Variants in ERCC5 observed in about 807,000 individuals in gnomAD.
ERCC5 encodes DNA excision repair protein ERCC-5.
In ERCC5, 68 loss-of-function variants were observed where a neutral mutation model predicts 105.6. That is an observed-to-expected ratio of 0.64 (90% confidence interval 0.53 to 0.79). ERCC5 has a LOEUF of 0.79. ERCC5 is among the 30% of genes least tolerant of loss of function. ERCC5 has a pLI of 0.00. For synonymous variants in ERCC5, 546 were observed against 526.2 expected (o/e 1.04, Z -0.51); for missense variants, 1,373 against 1,426.7 (o/e 0.96, Z 0.61).
At position 102,862,069 on chromosome 13, in the gene ERCC5, C is replaced by G. The variant is rs1566468361; in HGVS notation, c.920C>G (p.Ser307Cys). 1.9e-6 allele frequency: 3 copies of G among 1,614,200 alleles called. No homozygotes were observed. The highest frequency in any genetic ancestry group is 1.3e-5 in the African/African-American group (1 of 75,046). ...AKTVAEVDSE[S>C]LPSSSKMHGM... ...ACAGTTGCAGAAGTGGATTCAGAGT[C>G]TCTTCCTTCTTCCAGCAAAATGCAC... Residue 307 changes from serine to cysteine, a missense_variant, in exon 8 of 15, where the codon TCT becomes TGT. By Grantham distance (112) the Ser-to-Cys change is moderately radical. This residue lies in a region of ERCC5 where 1,004 missense variants were observed against 1,059.7 expected (regional missense o/e 0.95). Transcript: ENST00000652225.
intron 12 of ERCC5, among the ~76,000 whole-genome samples, chr13:102,868,488 A>C (rs1294608570): frequency 6.6e-6 from 1 of 152,206 alleles, no homozygotes; most frequent in Non-Finnish European, 1.5e-5. Context: ...AGTCCTGTGG[A>C]TTTCACAGGA....
chr13:102,873,117 T>G, intron 13 of ERCC5, 142 bp from the exon 14 acceptor site: 1 of 893,160 alleles, frequency 1.1e-6, no homozygotes, highest in Non-Finnish European at 1.7e-6. Context: ...TGTTAGTACT[T>G]TCTTTTAGCA....
chr13:102,855,958 G>A, intron 4 of ERCC5, 94 bp from the exon 5 acceptor site: 1 of 1,256,910 alleles, frequency 8.0e-7, no homozygotes, highest in Admixed American at 1.7e-5. Context: ...ATTCACCACT[G>A]TAGCCCGTAT....
At chr13:102,854,449 T>G (rs1386862136) in intron 4 of ERCC5, 75 bp downstream of exon 4, 1 of 1,404,930 alleles carries the variant, frequency 7.1e-7, no homozygotes, top group African/African-American at 1.4e-5. Context: ...TGATGTGTTA[T>G]CTACATGATA....
intron 4 of ERCC5, among the ~76,000 whole-genome samples, chr13:102,855,545 G>A (rs905473114): frequency 2.6e-5 from 4 of 152,124 alleles, no homozygotes; most frequent in Admixed American, 1.3e-4. Flanking sequence ...GCCACCACAC[G>A]CAGCTTAGCT....
In ERCC5 at chr13:102,862,572, C is replaced by A. The variant is rs1270873565; in HGVS notation, c.1423C>A (p.Gln475Lys). 1 of 1,613,980 alleles carries A rather than the reference C, an allele frequency of 6.2e-7. No homozygotes were observed. The highest frequency in any genetic ancestry group is 8.5e-7 in the Non-Finnish European group (1 of 1,180,020). ...GCCCACAGACTCAGTTCCAAAAGAACAAATGTCACTTGTTCACGTGGGGAC... is the reference window on the plus strand; with the variant it reads ...GCCCACAGACTCAGTTCCAAAAGAAAAAATGTCACTTGTTCACGTGGGGAC... Reference protein sequence around the residue: ...REPTDSVPKEQMSLVHVGTEA... With the variant: ...REPTDSVPKEKMSLVHVGTEA... Residue 475 changes from glutamine to lysine, a missense_variant, in exon 8 of 15, where the codon CAA (glutamine) becomes AAA (lysine). Physicochemically the swap from Gln to Lys is moderately conservative, Grantham distance 53. Around this residue, in one of 3 missense-constraint regions of ERCC5, gnomAD observed 1,004 missense variants for 1,059.7 expected, o/e 0.95. Coordinates refer to ENST00000652225, the MANE Select transcript of ERCC5 (RefSeq NM_000123.4).
chr13:102,855,947 T>C, intron 4 of ERCC5, 105 bp from the exon 5 acceptor site: 1 of 1,137,878 alleles, frequency 8.8e-7, no homozygotes, highest in Non-Finnish European at 1.3e-6. Context: ...CTTGCTGTTT[T>C]ATTCACCACT....
At position 102,862,226 on chromosome 13, in the gene ERCC5, G is replaced by A. The variant is rs377130941; in HGVS notation, c.1077G>A (p.Glu359=). 8.9e-5 allele frequency: 143 copies of A among 1,614,044 alleles called. No individual in the cohort carries two copies. The highest frequency in any genetic ancestry group is 1.2e-4 in the Non-Finnish European group (136 of 1,180,046). Residue 359 remains glutamate (E), a synonymous_variant, in exon 8 of 15, where the codon GAG becomes GAA. Transcript: ENST00000652225. ...CCCTGCTGGGAAGTAGCTCAGAAGA[G>A]GAGCTGGAGAGTGAAAATCGAAGGC... The part of the protein sequence containing the change: ...QAALLGSSSE[E]ELESENRRQA...
At chr13:102,847,219 T>C (rs528554626) in intron 1 of ERCC5, among the ~76,000 whole-genome samples, 107 of 152,344 alleles carry the variant, frequency 7.0e-4, no homozygotes, top group African/African-American at 1.9e-3. Context: ...TTGTTTGTCA[T>C]TGGAATTAAA....
At position 102,863,225 on chromosome 13, in the gene ERCC5, A is replaced by C. The variant is rs549391868; in HGVS notation, c.1954+122A>C. On this transcript the variant is annotated intron_variant, in intron 8 of 14. Transcript: ENST00000652225. ...CAGATAAGGAACGAGAGACGTAGAA[A>C]GAAAGATGAAATGACTTTCCCAGGG... 6.7e-5 allele frequency: 77 copies of C among 1,153,066 alleles called. No homozygotes were observed. In the East Asian group the frequency reaches 1.9e-3, roughly 29 times the overall value. The allele number at this position is 1,153,066 out of a possible 1,614,324, so 71.4% of individuals were successfully genotyped here.
intron 1 of ERCC5, among the ~76,000 whole-genome samples, chr13:102,847,036 A>G (rs1478582773): frequency 6.6e-6 from 1 of 152,208 alleles, no homozygotes; most frequent in Non-Finnish European, 1.5e-5. Flanking sequence ...TCTTAAAGTT[A>G]TTATCCTGTC....
chr13:102,846,457 TGGGTCG>T lies in ERCC5; in HGVS notation c.88+116_88+121del, dbSNP rs909169159. On this transcript the variant is annotated intron_variant, in intron 1 of 14. Coordinates refer to ENST00000652225, the MANE Select transcript of ERCC5 (RefSeq NM_000123.4). ...AGTGGCATCTGCAGGATGATGGTCT[TGGGTCG>T]GGGTCGGGGTCGCTATAGAATCTCT... is the stretch of plus-strand genomic sequence containing the variant. The T allele has an allele frequency of 1.6e-5, 17 of 1,033,722 alleles. No individual in the cohort carries two copies. In the Admixed American group the frequency reaches 1.9e-4, roughly 12 times the overall value. 64.0% of individuals were successfully genotyped at this position (1,033,722 alleles called of 1,614,324 possible). A position where few individuals can be genotyped will look rare whatever the true frequency, so the allele number is the denominator to read the frequency against.
intron 7 of ERCC5, 107 bp downstream of exon 7, chr13:102,861,821 T>A: frequency 7.0e-7 from 1 of 1,433,752 alleles, no homozygotes; most frequent in South Asian, 1.3e-5. Flanking sequence ...AAATTCTATT[T>A]ATGTAATAAC....
In ERCC5 at chr13:102,862,456, AT is replaced by A. The variant is rs1566468797; in HGVS notation, c.1308del (p.Asp436GlufsTer16). On this transcript the variant is annotated frameshift_variant, in exon 8 of 15. Transcript: ENST00000652225. LOFTEE classifies it high-confidence loss of function. ...ENSDEGLKVR[D>X]GKGIPFTATL... ...AGTGATGAAGGACTTAAAGTGAGAG[AT>A]GGAAAAGGAATACCGTTTACTGCAA... The A allele has an allele frequency of 6.2e-7, 1 of 1,614,136 alleles. No individual in the cohort carries two copies. The highest frequency in any genetic ancestry group is 1.1e-5 in the South Asian group (1 of 91,080).
At chr13:102,859,029 C>T in intron 6 of ERCC5, 1 of 427,810 alleles carries the variant, frequency 2.3e-6, no homozygotes. Flanking sequence ...GCTTGGCAGG[C>T]CCAGAAAGCT....
chr13:102,871,776 A>G (rs1441954247), intron 12 of ERCC5, among the ~76,000 whole-genome samples: 1 of 152,144 alleles, frequency 6.6e-6, no homozygotes, highest in Non-Finnish European at 1.5e-5. Context: ...ATACAGATAC[A>G]TTACTTCCAT....
At chr13:102,850,660 A>G (rs1882167934) in intron 1 of ERCC5, among the ~76,000 whole-genome samples, 1 of 152,174 alleles carries the variant, frequency 6.6e-6, no homozygotes, top group Non-Finnish European at 1.5e-5. Flanking sequence ...AGGGACATTC[A>G]CTGAGATGGG....
At chr13:102,856,328 G>A (rs1181825149) in intron 5 of ERCC5, among the ~76,000 whole-genome samples, 1 of 151,900 alleles carries the variant, frequency 6.6e-6, no homozygotes, top group Non-Finnish European at 1.5e-5. Context: ...TTGCCATTAT[G>A]CACATCTATA....
intron 1 of ERCC5, among the ~76,000 whole-genome samples, chr13:102,847,961 G>C (rs904412803): frequency 1.3e-5 from 2 of 152,146 alleles, no homozygotes; most frequent in African/African-American, 4.8e-5. Context: ...AGGAGTTCAA[G>C]ACCAGCCTGG....
Sources: allele counts gnomAD v4.1 joint callset (sites outside exome capture counted in the v4.1 genomes callset), GRCh38; gene constraint gnomAD v4.1.1; regional missense constraint gnomAD v4.1.1; transcripts MANE v1.5; gene names NCBI Gene and HGNC (gene_info 2026-07-23, HGNC 2026-07-21).